Variants in DACH2 observed in about 807,000 individuals in gnomAD.
The protein encoded by DACH2 is dachshund homolog 2.
In DACH2, 17 loss-of-function variants were observed where a neutral mutation model predicts 35.8. The ratio of observed to expected loss-of-function variants is 0.48; its 90% CI spans 0.33 to 0.71. The LOEUF is 0.71. DACH2 is among the 30% of genes least tolerant of loss of function. The pLI, the probability that DACH2 is intolerant of heterozygous loss-of-function variation, is 0.02. For missense variants in DACH2, 469 were observed against 472.7 expected, an observed-to-expected ratio of 0.99 and a Z score of 0.07; for synonymous variants, 195 against 177.3, an observed-to-expected ratio of 1.10 and a Z score of -0.79.
intron 1 of DACH2, among the ~76,000 whole-genome samples, chrX:86,175,163 G>A (rs1246813366): frequency 8.9e-6 from 1 of 111,846 alleles, no homozygotes; most frequent in Non-Finnish European, 1.9e-5. Flanking sequence ...GAGAGAAGAG[G>A]AGGAATCAGC....
intron 4 of DACH2, among the ~76,000 whole-genome samples, chrX:86,672,932 A>C (rs1160135025): frequency 7.1e-5 from 8 of 111,958 alleles, no homozygotes; most frequent in Non-Finnish European, 1.1e-4. Context: ...AGCCTGTGCA[A>C]GTAACCAAGG....
intron 1 of DACH2, among the ~76,000 whole-genome samples, chrX:86,245,650 A>G (rs2033265312): frequency 8.9e-6 from 1 of 111,855 alleles, no homozygotes; most frequent in African/African-American, 3.2e-5. Flanking sequence ...CTTCAAAGGC[A>G]TAAAAGAATA....
intron 1 of DACH2, among the ~76,000 whole-genome samples, chrX:86,355,311 C>G (rs182953850): frequency 9.0e-6 from 1 of 111,501 alleles, no homozygotes; most frequent in African/African-American, 3.3e-5. Flanking sequence ...AATAGTGTGG[C>G]GATGAGCATA....
intron 3 of DACH2, among the ~76,000 whole-genome samples, chrX:86,599,466 T>TTTCTTTCTTTC (rs769918472): frequency 1.6e-5 from 1 of 62,777 alleles, no homozygotes; most frequent in Admixed American, 2.2e-4. Context: ...TCCTTCCTTC[T>TTTCTTTCTTTC]TTTCTTTCTT....
rs1602386612 is a variant in DACH2, at chrX:86,307,153, A to G, written c.489-69671A>G. ...GAATCTGGTTGTTGCTCCGAAGTTCAGTGGAAAAAATGATGAAACAAAATG... is the reference window on the plus strand; with the variant it reads ...GAATCTGGTTGTTGCTCCGAAGTTCGGTGGAAAAAATGATGAAACAAAATG... On this transcript the variant is annotated intron_variant, in intron 1 of 11. Transcript: ENST00000373125. Among the ~76,000 whole-genome samples, 4 of 111,924 alleles carry G rather than the reference A, an allele frequency of 3.6e-5. No individual in the cohort carries two copies. In the South Asian group the frequency reaches 1.5e-3, roughly 42 times the overall value.
At chrX:86,587,645 A>G (rs2039591294) in intron 3 of DACH2, among the ~76,000 whole-genome samples, 1 of 111,744 alleles carries the variant, frequency 8.9e-6, no homozygotes, top group Non-Finnish European at 1.9e-5. Context: ...AATGATAAGC[A>G]TTTGTTCAAA....
intron 1 of DACH2, among the ~76,000 whole-genome samples, chrX:86,359,084 CGTGTGT>C (rs1556037574): frequency 7.1e-5 from 7 of 98,514 alleles, no homozygotes; most frequent in African/African-American, 2.2e-4. Flanking sequence ...TATATTTTGT[CGTGTGT>C]GTGTGTGTGT....
At chrX:86,229,227 C>G (rs2032894834) in intron 1 of DACH2, among the ~76,000 whole-genome samples, 1 of 111,662 alleles carries the variant, frequency 9.0e-6, no homozygotes. Flanking sequence ...AAAGGGTATC[C>G]TTTCCTCACT....
At chrX:86,484,165 T>C (rs1285861607) in intron 2 of DACH2, among the ~76,000 whole-genome samples, 1 of 111,727 alleles carries the variant, frequency 9.0e-6, no homozygotes, top group Non-Finnish European at 1.9e-5. Context: ...AACATTACTA[T>C]GAGTGGGAGA....
intron 1 of DACH2, among the ~76,000 whole-genome samples, chrX:86,311,402 C>T (rs758292654): frequency 8.0e-5 from 9 of 111,955 alleles, no homozygotes; most frequent in South Asian, 3.7e-4. Context: ...ATTGATAGAA[C>T]GGTGGAATGG....
chrX:86,149,882 T>C (rs1010286270), intron 1 of DACH2, among the ~76,000 whole-genome samples: 1 of 111,544 alleles, frequency 9.0e-6, no homozygotes, highest in Non-Finnish European at 1.9e-5. Flanking sequence ...TGGGACTGGA[T>C]TGGAGGTTGG....
intron 2 of DACH2, among the ~76,000 whole-genome samples, chrX:86,484,074 G>A (rs150376948): frequency 1.8e-5 from 2 of 110,675 alleles, no homozygotes; most frequent in Non-Finnish European, 3.8e-5. Context: ...TATTTGCTTG[G>A]AGGGATGATT....
chrX:86,677,753 G>A (rs766896964), intron 4 of DACH2, among the ~76,000 whole-genome samples: 5 of 112,181 alleles, frequency 4.5e-5, no homozygotes, highest in Non-Finnish European at 7.5e-5. Flanking sequence ...TGGTTAATTT[G>A]CACATACCTC....
chrX:86,609,809 A>G (rs2039906163), intron 3 of DACH2, among the ~76,000 whole-genome samples: 1 of 111,447 alleles, frequency 9.0e-6, no homozygotes, highest in African/African-American at 3.3e-5. Context: ...TCTCCCCCAC[A>G]AAATAGAGTC....
intron 2 of DACH2, among the ~76,000 whole-genome samples, chrX:86,393,322 T>C (rs2036231333): frequency 8.9e-6 from 1 of 111,919 alleles, no homozygotes; most frequent in Non-Finnish European, 1.9e-5. Context: ...TCATTCTATA[T>C]ATGCCTATCA....
chrX:86,399,641 G>A (rs545202279), intron 2 of DACH2, among the ~76,000 whole-genome samples: 2 of 110,776 alleles, frequency 1.8e-5, no homozygotes, highest in Non-Finnish European at 1.9e-5. Flanking sequence ...CACTTATGAA[G>A]CTTCGTTTGG....
At chrX:86,345,356 A>G in intron 1 of DACH2, 1 of 264,636 alleles carries the variant, frequency 3.8e-6, no homozygotes, top group Non-Finnish European at 7.1e-6. Flanking sequence ...TAAGAATGCA[A>G]GACCTCTCCA....
At chrX:86,754,923 AT>A (rs965565677) in intron 7 of DACH2, among the ~76,000 whole-genome samples, 108 of 111,347 alleles carry the variant, frequency 9.7e-4, no homozygotes, top group Non-Finnish European at 1.7e-3. Flanking sequence ...ATACTGATTT[AT>A]TTTTTTCGGA....
chrX:86,630,395 C>CAT (rs1399227705), intron 3 of DACH2, among the ~76,000 whole-genome samples: 4 of 108,691 alleles, frequency 3.7e-5, no homozygotes, highest in East Asian at 2.9e-4. Flanking sequence ...TACATATACA[C>CAT]ATATATATAC....
Sources: gnomAD v4.1 joint callset for allele counts (sites outside exome capture counted in the v4.1 genomes callset) on GRCh38, gnomAD v4.1.1 for gene constraint, MANE v1.5 for transcripts, NCBI Gene and HGNC (gene_info 2026-07-23, HGNC 2026-07-21) for gene names.